Variants in TSHZ3 observed in about 807,000 individuals in gnomAD.
The protein encoded by TSHZ3 is teashirt zinc finger homeobox 3.
A neutral mutation model predicts 64.5 loss-of-function variants in TSHZ3; 10 were observed. The ratio of observed to expected loss-of-function variants is 0.16; its 90% confidence interval spans 0.10 to 0.26. TSHZ3 has a LOEUF of 0.26. Among genes scored for constraint, TSHZ3 ranks in the 10% least tolerant of loss-of-function variants. The pLI is 1.00. For missense variants in TSHZ3, 1,242 were observed against 1,421.7 expected, an observed-to-expected ratio of 0.87 and a Z score of 2.03; for synonymous variants, 608 against 593.1, an observed-to-expected ratio of 1.03 and a Z score of -0.36.
chr19:31,286,403 C>A (rs978016647), intron 1 of TSHZ3, among the ~76,000 whole-genome samples: 2 of 152,224 alleles, frequency 1.3e-5, no homozygotes, highest in Non-Finnish European at 2.9e-5. Flanking sequence ...AGACAAAACA[C>A]GGATCCTGCC....
intron 1 of TSHZ3, among the ~76,000 whole-genome samples, chr19:31,262,373 A>G (rs541313805): frequency 3.9e-5 from 6 of 152,278 alleles, no homozygotes; most frequent in African/African-American, 1.4e-4. Context: ...TTTTTCCACA[A>G]TGTGATTTCA....
chr19:31,214,098 T>A (rs1975295125), intron 4 of TSHZ3, among the ~76,000 whole-genome samples: 1 of 152,236 alleles, frequency 6.6e-6, no homozygotes, highest in Non-Finnish European at 1.5e-5. Context: ...GGACCAGTCC[T>A]TCTAATTCTC....
upstream of TSHZ3, among the ~76,000 whole-genome samples, chr19:31,350,718 A>T (rs1250381214): frequency 6.7e-6 from 1 of 149,892 alleles, no homozygotes; most frequent in East Asian, 2.0e-4. Flanking sequence ...GGGCTCACTT[A>T]CGGGCGGCGG....
chr19:31,175,629 G>A (rs1409246558), intron 5 of TSHZ3, among the ~76,000 whole-genome samples: 1 of 152,242 alleles, frequency 6.6e-6, no homozygotes, highest in Non-Finnish European at 1.5e-5. Flanking sequence ...CTTCAGGAAA[G>A]GGAGCACATC....
rs1015465845 is a variant in TSHZ3, at chr19:31,183,208, C to T, written n.809+21748G>A. Among the ~76,000 whole-genome samples, 35 of 84,492 alleles carry T rather than the reference C, an allele frequency of 4.1e-4. 1 individual carries two copies. The highest frequency in any genetic ancestry group is 5.4e-3 in the Middle Eastern group (1 of 184). The allele number at this position is 84,492 out of a possible 152,430, so 55.4% of individuals were successfully genotyped here. A position where few individuals can be genotyped will look rare whatever the true frequency, so the allele number is the denominator to read the frequency against. On this transcript the variant is annotated intron_variant and non_coding_transcript_variant, in intron 5 of 6. Transcript: ENST00000651361. ...TCTCTCTCTCTCTCTCTCTCTCTCT[C>T]TCTCTCTCTCTCTCTCTCTTTCTCT...
intron 1 of TSHZ3, among the ~76,000 whole-genome samples, chr19:31,262,263 C>T (rs530965613): frequency 1.3e-5 from 2 of 152,246 alleles, no homozygotes; most frequent in Non-Finnish European, 2.9e-5. Flanking sequence ...CGGTACAGTA[C>T]TTCAGTGCTG....
chr19:31,180,815 G>T (rs1974700782), intron 5 of TSHZ3, among the ~76,000 whole-genome samples: 1 of 152,124 alleles, frequency 6.6e-6, no homozygotes, highest in Non-Finnish European at 1.5e-5. Flanking sequence ...CTGGGGCCCG[G>T]CCCTTTATCT....
chr19:31,218,148 T>G (rs756182877), intron 4 of TSHZ3, among the ~76,000 whole-genome samples: 1 of 152,158 alleles, frequency 6.6e-6, no homozygotes, highest in Non-Finnish European at 1.5e-5. Context: ...CAAAGGATAT[T>G]ATCTGAAAAA....
At chr19:31,152,671 T>C (rs1469649817) in intron 6 of TSHZ3, among the ~76,000 whole-genome samples, 1 of 152,152 alleles carries the variant, frequency 6.6e-6, no homozygotes, top group East Asian at 1.9e-4. Context: ...GAGTAGAACC[T>C]TCACGATTAT....
chr19:31,269,002 A>T (rs925803616), intron 1 of TSHZ3, among the ~76,000 whole-genome samples: 2 of 151,934 alleles, frequency 1.3e-5, no homozygotes, highest in Admixed American at 6.6e-5. Flanking sequence ...ATCCCCAGTA[A>T]CCTCAGCTGC....
At chr19:31,201,619 C>A (rs1397973784) in intron 5 of TSHZ3, among the ~76,000 whole-genome samples, 1 of 152,152 alleles carries the variant, frequency 6.6e-6, no homozygotes, top group Non-Finnish European at 1.5e-5. Context: ...GACTAGAGTG[C>A]AGGAGTGTGT....
intron 1 of TSHZ3, among the ~76,000 whole-genome samples, chr19:31,255,168 G>A (rs1975893410): frequency 6.6e-6 from 1 of 152,142 alleles, no homozygotes; most frequent in African/African-American, 2.4e-5. Flanking sequence ...CATCAATGGG[G>A]AATGCCAACC....
chr19:31,269,559 A>G (rs1038386890), intron 1 of TSHZ3, among the ~76,000 whole-genome samples: 2 of 152,002 alleles, frequency 1.3e-5, no homozygotes, highest in African/African-American at 4.8e-5. Flanking sequence ...AAGCAGCCAC[A>G]CTGACTTCTT....
chr19:31,348,999 G>A (rs1362677618), intron 1 of TSHZ3, 181 bp downstream of exon 1: 3 of 725,190 alleles, frequency 4.1e-6, no homozygotes, highest in Non-Finnish European at 6.3e-6. Flanking sequence ...AGCGCGGCGG[G>A]GCGTCCGGGG....
At chr19:31,318,284 A>G (rs1214881298) in intron 1 of TSHZ3, among the ~76,000 whole-genome samples, 2 of 152,230 alleles carry the variant, frequency 1.3e-5, no homozygotes, top group Non-Finnish European at 2.9e-5. Flanking sequence ...GTAAACTGAT[A>G]TAACAGATAA....
At chr19:31,288,020 G>C (rs1207709379) in intron 1 of TSHZ3, among the ~76,000 whole-genome samples, 4 of 151,988 alleles carry the variant, frequency 2.6e-5, no homozygotes, top group Admixed American at 2.6e-4. Flanking sequence ...CTGCAGCCCC[G>C]AACTCCTGGA....
At chr19:31,164,572 G>A (rs1245278614) in intron 5 of TSHZ3, among the ~76,000 whole-genome samples, 1 of 152,178 alleles carries the variant, frequency 6.6e-6, no homozygotes, top group Non-Finnish European at 1.5e-5. Context: ...AGGAGCCAGA[G>A]CCTCGGGTCC....
intron 1 of TSHZ3, among the ~76,000 whole-genome samples, chr19:31,320,902 G>A (rs1167946809): frequency 6.6e-6 from 1 of 152,196 alleles, no homozygotes; most frequent in Admixed American, 6.5e-5. Flanking sequence ...ATGACTGAAG[G>A]AGAAGGAGGC....
At chr19:31,209,082 C>T (rs574399324) in intron 4 of TSHZ3, among the ~76,000 whole-genome samples, 1 of 152,268 alleles carries the variant, frequency 6.6e-6, no homozygotes, top group East Asian at 1.9e-4. Context: ...TCCAAGGCCA[C>T]TGACAGATTC....
Sources: allele counts gnomAD v4.1 joint callset (sites outside exome capture counted in the v4.1 genomes callset), GRCh38; gene constraint gnomAD v4.1.1; transcripts MANE v1.5; gene names NCBI Gene and HGNC (gene_info 2026-07-23, HGNC 2026-07-21).